The following FNBP4 variants were observed in gnomAD, a reference collection of about 807,000 sequenced individuals.
FNBP4 encodes the protein formin-binding protein 4.
Under a neutral mutation model 119.3 loss-of-function variants are expected in FNBP4, and 34 were observed. The ratio of observed to expected loss-of-function variants is 0.28; its 90% CI spans 0.22 to 0.38. The LOEUF (loss-of-function observed/expected upper bound fraction) is 0.38. Ranked by LOEUF, FNBP4 falls within the 10% of genes least tolerant of loss-of-function variation. The pLI, the probability that FNBP4 is intolerant of heterozygous loss-of-function variation, is 1.00. For missense variants in FNBP4, 1,112 were observed against 1,228.9 expected, an observed-to-expected ratio of 0.90 and a Z score of 1.42; for synonymous variants, 462 against 430.6, an observed-to-expected ratio of 1.07 and a Z score of -0.90.
At chr11:47,730,400 T>C (rs1050838528) in intron 12 of FNBP4, among the ~76,000 whole-genome samples, 1 of 152,220 alleles carries the variant, frequency 6.6e-6, no homozygotes, top group Non-Finnish European at 1.5e-5. Flanking sequence ...GTATGTGACC[T>C]GCTGACGATT....
intron 1 of FNBP4, among the ~76,000 whole-genome samples, chr11:47,766,174 C>G (rs1012315167): frequency 8.6e-5 from 13 of 151,976 alleles, no homozygotes; most frequent in African/African-American, 3.1e-4. Context: ...ATTAGCCGGG[C>G]ATGGTGGCAG....
At chr11:47,720,162 G>A (rs1189022331) in intron 15 of FNBP4, 76 bp from the exon 16 acceptor site, 35 of 1,385,004 alleles carry the variant, frequency 2.5e-5, no homozygotes, top group Middle Eastern at 2.2e-4. Flanking sequence ...TGGAGGTCAG[G>A]ATCCTTTTCC....
intron 8 of FNBP4, among the ~76,000 whole-genome samples, chr11:47,742,303 A>C (rs1370667727): frequency 6.6e-6 from 1 of 151,624 alleles, no homozygotes; most frequent in African/African-American, 2.4e-5. Flanking sequence ...ACATGGTGAA[A>C]TCCCATTTCC....
At position 47,730,208 on chromosome 11, in the gene FNBP4, A is replaced by T. The variant is rs2097565820; in HGVS notation, c.2008+1166T>A. On this transcript the variant is annotated intron_variant, in intron 12 of 16. Coordinates refer to ENST00000263773, the MANE Select transcript of FNBP4 (RefSeq NM_015308.5). ...ATTAACTGCTAAAAAGCAAACAAAA[A>T]GAACCAATATATTATTAGTCATGTC... is the stretch of plus-strand genomic sequence containing the variant. 4.1e-6 allele frequency: 4 copies of T among 985,430 alleles called. No homozygotes were observed. The South Asian group carries it at 1.9e-4, about 46-fold the overall frequency. 61.0% of individuals were successfully genotyped at this position (985,430 alleles called of 1,614,324 possible).
Position 47,732,636 on chromosome 11 carries a change from T to C in FNBP4, c.1721A>G (p.Asn574Ser), listed in dbSNP as rs902359982. ...AAGTTTTCGTTTAAGGTAGTTTCCA[T>C]TAAGAGCCCCTTCCCGCCAGTCTGC... ...RIADWREGAL[N>S]GNYLKRKLQD... The change falls in exon 11 of 17, where the codon AAT becomes AGT. Residue 574 changes from asparagine to serine, a missense_variant. This residue lies in a region of FNBP4 where 826 missense variants were observed against 988.8 expected (regional missense o/e 0.84). Transcript: ENST00000263773. This position sits in a 1 kb window ranked among gnomAD's most constrained non-coding sequence, Gnocchi z 4.2. 1.2e-6 allele frequency: 2 copies of C among 1,614,170 alleles called. No individual in the cohort carries two copies. The highest frequency in any genetic ancestry group is 2.2e-5 in the South Asian group (2 of 91,080).
intron 8 of FNBP4, among the ~76,000 whole-genome samples, chr11:47,741,522 A>AG: frequency 1.3e-5 from 2 of 151,856 alleles, no homozygotes; most frequent in African/African-American, 4.9e-5. Context: ...TTCCTTTCTA[A>AG]GAATATACCA....
In FNBP4 at chr11:47,720,091, A is replaced by G; in HGVS notation, c.2806-5T>C. The stretch of plus-strand genomic sequence containing the variant: ...TTTGGTCTTACTCTTCTTTGCCTGT[A>G]ACAAAGGTTAAAGGTCAAAAGGAAT... On this transcript the variant is annotated splice_region_variant and splice_polypyrimidine_tract_variant and intron_variant, in intron 15 of 16. Transcript: ENST00000263773. 1.2e-6 allele frequency: 2 copies of G among 1,610,952 alleles called. No individual in the cohort carries two copies. Among genetic ancestry groups the G allele is most frequent in the Non-Finnish European group, 1.7e-6 (2 of 1,178,248 alleles).
intron 6 of FNBP4, among the ~76,000 whole-genome samples, chr11:47,750,381 CAAAAAAAAA>C (rs59583797): frequency 1.2e-4 from 3 of 24,752 alleles, no homozygotes; most frequent in Admixed American, 1.7e-3. Context: ...GACTCCATAT[CAAAAAAAAA>C]AAAAAAAAAA....
rs2097589832 is a variant in FNBP4 at position 47,746,196 on chromosome 11, C to A, written c.1105G>T (p.Val369Leu). The A allele has an allele frequency of 1.2e-6, 2 of 1,614,166 alleles. No individual in the cohort carries two copies. The highest frequency in any genetic ancestry group is 3.3e-5 in the Admixed American group (2 of 60,018). The part of the protein sequence containing the change: ...STTVEEATTI[V>L]KPQEIMLDNI... The stretch of plus-strand genomic sequence containing the variant: ...TCCAACATAATTTCCTGTGGCTTTA[C>A]TATTGTTGTTGCTTCTTCTACTGTT... Residue 369 changes from valine (V) to leucine (L), a missense_variant, in exon 7 of 17, where the codon GTA becomes TTA. By Grantham distance (32) the Val-to-Leu change is conservative. Transcript: ENST00000263773.
chr11:47,744,012 T>A lies in FNBP4; in HGVS notation c.1397A>T (p.Glu466Val), dbSNP rs781219808. The A allele has an allele frequency of 6.2e-7, 1 of 1,614,200 alleles. No homozygotes were observed. The highest frequency in any genetic ancestry group is 1.1e-5 in the South Asian group (1 of 91,092). Residue 466 changes from glutamate to valine, a missense_variant, in exon 8 of 17, where the codon GAA (glutamate) becomes GTA (valine). By Grantham distance (121) the Glu-to-Val change is moderately radical. This residue lies in a region of FNBP4 where 826 missense variants were observed against 988.8 expected (regional missense o/e 0.84). Coordinates refer to ENST00000263773, the MANE Select transcript of FNBP4 (RefSeq NM_015308.5). ...TTTACTAGAACTCCTACTGGTAGAT[T>A]CTGGACTGGTAGCTCGAACAAACAT... is the stretch of plus-strand genomic sequence containing the variant. ...WKMFVRATSP[E>V]STSRSSSKTG...
In FNBP4 at chr11:47,724,703, A is replaced by G; in HGVS notation, c.2084T>C (p.Leu695Pro). 4.3e-6 allele frequency: 7 copies of G among 1,613,678 alleles called. No homozygotes were observed. Among genetic ancestry groups the G allele is most frequent in the Non-Finnish European group, 5.9e-6 (7 of 1,179,782 alleles). ...SLMPLTPFWT[L>P]LQSNVPVLQP... The stretch of plus-strand genomic sequence containing the variant: ...AAGCACAGGAACATTTGACTGAAGG[A>G]GGGTCCAGAATGGAGTAAGTGGCAT... The change falls in exon 13 of 17, where the codon CTC becomes CCC. Residue 695 changes from leucine to proline, a missense_variant. Coordinates refer to ENST00000263773, the MANE Select transcript of FNBP4 (RefSeq NM_015308.5).
At chr11:47,750,713 A>T (rs1382477919) in intron 6 of FNBP4, among the ~76,000 whole-genome samples, 4 of 130,492 alleles carry the variant, frequency 3.1e-5, no homozygotes, top group African/African-American at 1.4e-4. Flanking sequence ...AAAAAAAAAA[A>T]AAAAGAAAAA....
chr11:47,751,096 G>C, intron 5 of FNBP4, 47 bp downstream of exon 5: 1 of 1,612,870 alleles, frequency 6.2e-7, no homozygotes, highest in East Asian at 2.2e-5. Flanking sequence ...CAAAAGATAA[G>C]GCTTCAATTT....
chr11:47,720,503 T>G (rs1465941016), intron 15 of FNBP4, among the ~76,000 whole-genome samples: 1 of 149,700 alleles, frequency 6.7e-6, no homozygotes, highest in Non-Finnish European at 1.5e-5. Flanking sequence ...GGGAGGCGGA[T>G]CTTGCAGTGA....
At chr11:47,745,625 G>C (rs2097588791) in intron 7 of FNBP4, among the ~76,000 whole-genome samples, 1 of 151,980 alleles carries the variant, frequency 6.6e-6, no homozygotes, top group African/African-American at 2.4e-5. Context: ...TTTGCCCTTT[G>C]AAGCACATGA....
intron 4 of FNBP4, among the ~76,000 whole-genome samples, chr11:47,752,445 T>C (rs904833185): frequency 1.4e-5 from 2 of 145,268 alleles, no homozygotes; most frequent in Non-Finnish European, 3.0e-5. Context: ...AAAAAACAAT[T>C]AAATAAATAA....
chr11:47,736,259 A>AG (rs1368449737), intron 9 of FNBP4, among the ~76,000 whole-genome samples: 1 of 148,086 alleles, frequency 6.8e-6, no homozygotes, highest in Non-Finnish European at 1.5e-5. Context: ...AAAAGAAAAA[A>AG]AAAAAAAATT....
chr11:47,767,171 C>A lies in FNBP4; in HGVS notation c.118G>T (p.Asp40Tyr). ...DPEPEPDTEP[D>Y]STAAVPSQPA... ...TGGCTGGGGACCGCCGCGGTTGAGT[C>A]CGGCTCAGTGTCGGGTTCCGGCTCC... The change falls in exon 1 of 17, where the codon GAC becomes TAC. Residue 40 changes from aspartate (D) to tyrosine (Y), a missense_variant. By Grantham distance (160) the Asp-to-Tyr change is radical (BLOSUM62 -3). Around this residue, in one of 2 missense-constraint regions of FNBP4, gnomAD observed 286 missense variants for 240.1 expected, o/e 1.19. Coordinates refer to ENST00000263773, the MANE Select transcript of FNBP4 (RefSeq NM_015308.5). 6 of 1,555,750 alleles carry A rather than the reference C, an allele frequency of 3.9e-6. No homozygotes were observed. Among genetic ancestry groups the A allele is most frequent in the Non-Finnish European group, 5.2e-6 (6 of 1,155,792 alleles).
In FNBP4 at chr11:47,720,012, C is replaced by T; in HGVS notation, c.2880G>A (p.Glu960=). ...CCTCTTCACTGGAACTAGAATTGTCCTCTTCATCTAACTCACGCTGGATAC... is the reference window on the plus strand; with the variant it reads ...CCTCTTCACTGGAACTAGAATTGTCTTCTTCATCTAACTCACGCTGGATAC... ...WQSIQRELDE[E]DNSSSSEEDR... The change falls in exon 16 of 17, where the codon GAG becomes GAA. Residue 960 remains glutamate, a synonymous_variant. Transcript: ENST00000263773. 2.5e-6 allele frequency: 4 copies of T among 1,614,072 alleles called. No individual in the cohort carries two copies. Among genetic ancestry groups the T allele is most frequent in the Non-Finnish European group, 3.4e-6 (4 of 1,179,994 alleles).
Sources: gnomAD v4.1 joint callset for allele counts (sites outside exome capture counted in the v4.1 genomes callset) on GRCh38, gnomAD v4.1.1 for gene constraint, gnomAD v4.1.1 regional missense constraint, Gnocchi (gnomAD v3.1) non-coding constraint, MANE v1.5 for transcripts, NCBI Gene and HGNC (gene_info 2026-07-23, HGNC 2026-07-21) for gene names.